The following TMEM131L variants were observed in gnomAD, a reference collection of about 807,000 sequenced individuals.
TMEM131L encodes the protein transmembrane 131 like.
TMEM131L carries 54 observed loss-of-function variants against 192.2 expected under a neutral mutation model. The observed-to-expected ratio is 0.28, with a 90% CI of 0.23 to 0.35. The LOEUF (loss-of-function observed/expected upper bound fraction) is 0.35, where lower values mean the gene tolerates loss of function less well. Among genes scored for constraint, TMEM131L ranks in the 10% least tolerant of loss-of-function variants. The probability of loss-of-function intolerance (pLI) is 1.00; values close to 1 mark genes in which losing one functional copy is unlikely to be tolerated. For synonymous variants in TMEM131L, 701 were observed against 704.9 expected (o/e 0.99, Z 0.09); for missense variants, 1,888 against 1,972.9 (o/e 0.96, Z 0.82).
chr4:153,542,549 A>C lies in TMEM131L; in HGVS notation c.240-7524A>C, dbSNP rs566733193. 4.8e-4 allele frequency among the ~76,000 whole-genome samples: 73 copies of C among 152,348 alleles called. No individual in the cohort carries two copies. The South Asian group carries it at 0.015, about 31-fold the overall frequency. On this transcript the variant is annotated intron_variant, in intron 3 of 34. Coordinates refer to ENST00000409959, the MANE Select transcript of TMEM131L (RefSeq NM_001131007.2). ...AATCCCCAGAGCATCTTTGTGTGCGAAAGTGCAATGGATGATTATTGGTAT... is the reference window on the plus strand; with the variant it reads ...AATCCCCAGAGCATCTTTGTGTGCGCAAGTGCAATGGATGATTATTGGTAT...
intron 25 of TMEM131L, among the ~76,000 whole-genome samples, chr4:153,610,138 A>T (rs1018910347): frequency 6.6e-6 from 1 of 152,186 alleles, no homozygotes; most frequent in African/African-American, 2.4e-5. Context: ...TTTGAAAGGG[A>T]TCTGAAAGTT....
chr4:153,534,342 T>G (rs974759502), intron 3 of TMEM131L, among the ~76,000 whole-genome samples: 1 of 152,048 alleles, frequency 6.6e-6, no homozygotes, highest in Admixed American at 6.6e-5. Flanking sequence ...AGGATGAGGA[T>G]TGTGGTGTGG....
In TMEM131L at chr4:153,632,784, C is replaced by A. The variant is rs757627538; in HGVS notation, c.4274C>A (p.Thr1425Asn). 2 of 1,613,984 alleles carry A rather than the reference C, an allele frequency of 1.2e-6. No homozygotes were observed. The highest frequency in any genetic ancestry group is 1.3e-5 in the African/African-American group (1 of 74,916). ...PVCVTSSLNCTLENGVPCVIQ... is the reference protein window; with the variant it reads ...PVCVTSSLNCNLENGVPCVIQ... ...TGTGTGACAAGCAGCTTAAACTGCA[C>A]CCTGGAGAACGGCGTGCCTTGTGTG... Residue 1425 changes from threonine to asparagine, a missense_variant, in exon 32 of 35, where the codon ACC becomes AAC. Coordinates refer to ENST00000409959, the MANE Select transcript of TMEM131L (RefSeq NM_001131007.2).
intron 16 of TMEM131L, among the ~76,000 whole-genome samples, chr4:153,590,192 G>A (rs1427422303): frequency 6.6e-6 from 1 of 152,122 alleles, no homozygotes; most frequent in Non-Finnish European, 1.5e-5. Flanking sequence ...TTAGACTAGT[G>A]TTCCTACCTT....
intron 29 of TMEM131L, among the ~76,000 whole-genome samples, chr4:153,624,201 C>T (rs1197313502): frequency 6.6e-6 from 1 of 151,246 alleles, no homozygotes; most frequent in African/African-American, 2.4e-5. Context: ...TCACTGCAAC[C>T]TCCGCCTCTC....
intron 26 of TMEM131L, among the ~76,000 whole-genome samples, chr4:153,614,934 C>T (rs1239162697): frequency 6.6e-6 from 1 of 152,056 alleles, no homozygotes; most frequent in African/African-American, 2.4e-5. Context: ...TTCACATGGC[C>T]ATTTACAAAA....
chr4:153,477,375 G>C (rs1245641706), intron 3 of TMEM131L, among the ~76,000 whole-genome samples: 1 of 152,218 alleles, frequency 6.6e-6, no homozygotes, highest in Non-Finnish European at 1.5e-5. Flanking sequence ...GCAGCCCATA[G>C]AGAGCTGTGT....
intron 3 of TMEM131L, among the ~76,000 whole-genome samples, chr4:153,534,158 G>A (rs1194199722): frequency 1.6e-4 from 24 of 152,198 alleles, no homozygotes; most frequent in Non-Finnish European, 2.9e-5. Flanking sequence ...CTCAACAAAT[G>A]TTACCGAGTG....
intron 3 of TMEM131L, among the ~76,000 whole-genome samples, chr4:153,506,175 A>T (rs1403130608): frequency 6.6e-6 from 1 of 152,236 alleles, no homozygotes; most frequent in African/African-American, 2.4e-5. Context: ...CCACCAGGTG[A>T]TACCTGGGAA....
At chr4:153,582,320 C>G (rs1730391961) in intron 9 of TMEM131L, among the ~76,000 whole-genome samples, 1 of 151,530 alleles carries the variant, frequency 6.6e-6, no homozygotes. Flanking sequence ...TCTCGGCTCA[C>G]TGCAACCTCA....
chr4:153,499,911 A>G (rs1465726257), intron 3 of TMEM131L, among the ~76,000 whole-genome samples: 1 of 152,134 alleles, frequency 6.6e-6, no homozygotes, highest in Non-Finnish European at 1.5e-5. Flanking sequence ...CACAGACTTG[A>G]GACAGTTATC....
Position 153,476,133 on chromosome 4 carries a change from A to G in TMEM131L, c.239+2245A>G, listed in dbSNP as rs534627642. 5.5e-4 allele frequency among the ~76,000 whole-genome samples: 83 copies of G among 151,892 alleles called. 1 individual carries two copies. Among genetic ancestry groups the G allele is most frequent in the African/African-American group, 1.8e-3 (76 of 41,396 alleles). ...ACAATCACGCCCGGCTAATTTTTGT[A>G]TTTTTAGTAGAGATGAGGTTTCACC... On this transcript the variant is annotated intron_variant, in intron 3 of 34. Coordinates refer to ENST00000409959, the MANE Select transcript of TMEM131L (RefSeq NM_001131007.2).
chr4:153,505,495 G>T (rs1311313769), intron 3 of TMEM131L, among the ~76,000 whole-genome samples: 2 of 152,072 alleles, frequency 1.3e-5, no homozygotes, highest in African/African-American at 4.8e-5. Context: ...CCTCTTTGAA[G>T]ATCTTATCTC....
chr4:153,516,768 C>G (rs542108636), intron 3 of TMEM131L, among the ~76,000 whole-genome samples: 10 of 152,220 alleles, frequency 6.6e-5, no homozygotes, highest in African/African-American at 2.2e-4. Context: ...CAGTTTCTTA[C>G]GAGCCTCCCA....
chr4:153,552,940 T>C (rs1403258567), intron 4 of TMEM131L, among the ~76,000 whole-genome samples: 1 of 127,078 alleles, frequency 7.9e-6, no homozygotes, highest in African/African-American at 3.9e-5. Flanking sequence ...GTTGTTATTT[T>C]TTGTGTTTTT....
At chr4:153,543,553 G>T (rs1057258036) in intron 3 of TMEM131L, among the ~76,000 whole-genome samples, 10 of 152,212 alleles carry the variant, frequency 6.6e-5, no homozygotes, top group Non-Finnish European at 1.0e-4. Context: ...GCCGCCTGGA[G>T]TAACCAGTCT....
At chr4:153,546,650 A>G (rs1293073194) in intron 3 of TMEM131L, among the ~76,000 whole-genome samples, 1 of 152,200 alleles carries the variant, frequency 6.6e-6, no homozygotes, top group African/African-American at 2.4e-5. Flanking sequence ...TATTTGAGCC[A>G]GGCGCAGTGG....
chr4:153,499,330 C>T (rs1241125445), intron 3 of TMEM131L, among the ~76,000 whole-genome samples: 2 of 152,140 alleles, frequency 1.3e-5, no homozygotes, highest in African/African-American at 2.4e-5. Context: ...GCTGACCTGC[C>T]GCATTGTGTG....
At chr4:153,493,352 A>C (rs1430560307) in intron 3 of TMEM131L, among the ~76,000 whole-genome samples, 2 of 141,222 alleles carry the variant, frequency 1.4e-5, no homozygotes, top group Non-Finnish European at 3.0e-5. Flanking sequence ...TCTCAAAAAA[A>C]AAAAAAAAAA....
Sources: allele counts gnomAD v4.1 joint callset (sites outside exome capture counted in the v4.1 genomes callset), GRCh38; gene constraint gnomAD v4.1.1; transcripts MANE v1.5; gene names NCBI Gene and HGNC (gene_info 2026-07-23, HGNC 2026-07-21).